FMN2: variants seen among roughly 807,000 people sequenced by gnomAD.
FMN2 encodes formin 2.
In FMN2, 51 loss-of-function variants were observed where a neutral mutation model predicts 142.3. The ratio of observed to expected loss-of-function variants is 0.36; its 90% CI spans 0.29 to 0.45. The LOEUF (loss-of-function observed/expected upper bound fraction) is 0.45, where lower values mean the gene tolerates loss of function less well. Ranked by LOEUF, FMN2 falls within the 20% of genes least tolerant of loss-of-function variation. The pLI is 1.00. For synonymous variants in FMN2, 882 were observed against 869.8 expected (o/e 1.01, Z -0.25); for missense variants, 1,936 against 2,122.8 (o/e 0.91, Z 1.73).
intron 16 of FMN2, among the ~76,000 whole-genome samples, chr1:240,466,108 T>C (rs1676613401): frequency 6.6e-6 from 1 of 152,230 alleles, no homozygotes; most frequent in African/African-American, 2.4e-5. Context: ...GGAGAAACTT[T>C]TTGTTGGTTT....
intron 6 of FMN2, among the ~76,000 whole-genome samples, chr1:240,242,844 T>C (rs34743553): frequency 0.047 from 7,098 of 152,222 alleles, 341 homozygotes; most frequent in African/African-American, 0.12. Flanking sequence ...CAGTGAGAGG[T>C]GTCAAATGTC....
intron 6 of FMN2, among the ~76,000 whole-genome samples, chr1:240,218,281 CAAAAAAAAA>C (rs60722656): frequency 3.2e-5 from 3 of 92,954 alleles, no homozygotes; most frequent in Non-Finnish European, 4.2e-5. Context: ...GACTCTGTCT[CAAAAAAAAA>C]AAAAAAAAAA....
chr1:240,283,378 C>T (rs1054158221), intron 7 of FMN2, among the ~76,000 whole-genome samples: 1 of 152,154 alleles, frequency 6.6e-6, no homozygotes, highest in Non-Finnish European at 1.5e-5. Flanking sequence ...TTACCATTTG[C>T]AGCAGGGATT....
rs561426222 is a variant in FMN2 at position 240,115,204 on chromosome 1, T to C, written c.1616-7975T>C. ...AGTGATTATTCTTTCTGTAATAGCA[T>C]GGCTTTTAATGGCTGTATAGTTAGC... On this transcript the variant is annotated intron_variant, in intron 1 of 17. Coordinates refer to ENST00000319653, the MANE Select transcript of FMN2 (RefSeq NM_020066.5). Among the ~76,000 whole-genome samples, 62 of 152,354 alleles carry C rather than the reference T, an allele frequency of 4.1e-4. 1 individual carries two copies. In the South Asian group the frequency reaches 0.013, roughly 32 times the overall value.
In FMN2 at chr1:240,200,481, A is replaced by G. The variant is rs189427485; in HGVS notation, c.1987-6318A>G. On this transcript the variant is annotated intron_variant, in intron 4 of 17. Transcript: ENST00000319653. Reference sequence around the variant, plus strand: ...CGGCCCTTGACTGATAGCCCTGGATAAGGAAGGCCAGATAAGATTCTTTGA... The same window carrying G: ...CGGCCCTTGACTGATAGCCCTGGATGAGGAAGGCCAGATAAGATTCTTTGA... 3.1e-4 allele frequency among the ~76,000 whole-genome samples: 47 copies of G among 152,260 alleles called. 1 individual carries two copies. The highest frequency in any genetic ancestry group is 1.0e-3 in the Admixed American group (16 of 15,272).
At chr1:240,279,798 A>T (rs1330108382) in intron 7 of FMN2, among the ~76,000 whole-genome samples, 2 of 152,218 alleles carry the variant, frequency 1.3e-5, no homozygotes, top group African/African-American at 4.8e-5. Context: ...TCAGAAGAGA[A>T]AAAAGAAACC....
intron 16 of FMN2, 44 bp downstream of exon 16, chr1:240,438,254 T>A (rs1352468952): frequency 1.3e-6 from 2 of 1,591,822 alleles, no homozygotes; most frequent in African/African-American, 2.7e-5. Flanking sequence ...AACTGGTGTT[T>A]TATTAGGTGT....
chr1:240,382,666 GA>G (rs201942315), intron 14 of FMN2, among the ~76,000 whole-genome samples: 21 of 145,480 alleles, frequency 1.4e-4, no homozygotes, highest in African/African-American at 4.3e-4. Context: ...CTCTCAAAAA[GA>G]AAAAAAAAAT....
chr1:240,463,147 C>T (rs192162190), intron 16 of FMN2, among the ~76,000 whole-genome samples: 249 of 152,200 alleles, frequency 1.6e-3, no homozygotes, highest in Non-Finnish European at 3.0e-3. Flanking sequence ...AGATGATTCC[C>T]GTGTTTGTAA....
intron 4 of FMN2, among the ~76,000 whole-genome samples, chr1:240,188,761 G>T (rs911115146): frequency 2.0e-5 from 3 of 152,108 alleles, no homozygotes; most frequent in African/African-American, 7.2e-5. Context: ...TGCTGATAAG[G>T]GTGTACCCAA....
chr1:240,190,160 C>A (rs1572040542), intron 4 of FMN2, among the ~76,000 whole-genome samples: 1 of 152,046 alleles, frequency 6.6e-6, no homozygotes, highest in Admixed American at 6.6e-5. Context: ...AGCAGAAAAC[C>A]TAATGGAGTA....
intron 4 of FMN2, among the ~76,000 whole-genome samples, chr1:240,196,192 T>G (rs1665903418): frequency 6.6e-6 from 1 of 152,188 alleles, no homozygotes; most frequent in Non-Finnish European, 1.5e-5. Flanking sequence ...GCAAGACAGT[T>G]TAAGGAACAA....
At chr1:240,338,792 C>T (rs79353488) in intron 13 of FMN2, among the ~76,000 whole-genome samples, 27,616 of 151,986 alleles carry the variant, frequency 0.18, 3,186 homozygotes, top group African/African-American at 0.32. Context: ...ATTTATTGTG[C>T]GCTTTACTTC....
intron 3 of FMN2, among the ~76,000 whole-genome samples, chr1:240,184,419 A>G (rs1021579751): frequency 2.0e-5 from 3 of 150,384 alleles, no homozygotes; most frequent in African/African-American, 4.9e-5. Flanking sequence ...TATTTTTAGT[A>G]GAGACGGGGT....
At chr1:240,128,779 C>G (rs949278488) in intron 2 of FMN2, among the ~76,000 whole-genome samples, 6 of 152,156 alleles carry the variant, frequency 3.9e-5, no homozygotes, top group Non-Finnish European at 7.3e-5. Flanking sequence ...AGCAGCCAGT[C>G]CCGGAAAACT....
intron 15 of FMN2, among the ~76,000 whole-genome samples, chr1:240,404,448 G>T (rs1166727034): frequency 6.6e-6 from 1 of 152,096 alleles, no homozygotes; most frequent in Non-Finnish European, 1.5e-5. Context: ...GAAGTGACAT[G>T]GAATGTCTTT....
chr1:240,276,061 C>G (rs1006560532), intron 7 of FMN2, among the ~76,000 whole-genome samples: 2 of 152,156 alleles, frequency 1.3e-5, no homozygotes, highest in African/African-American at 4.8e-5. Flanking sequence ...ATAATCTCAG[C>G]ACTTAGGGAG....
chr1:240,383,008 G>A (rs1673282493), intron 14 of FMN2, among the ~76,000 whole-genome samples: 1 of 152,054 alleles, frequency 6.6e-6, no homozygotes, highest in South Asian at 2.1e-4. Context: ...AATAAACAAT[G>A]AGTAAAGGAC....
At chr1:240,446,413 T>G (rs1201413189) in intron 16 of FMN2, among the ~76,000 whole-genome samples, 1 of 152,220 alleles carries the variant, frequency 6.6e-6, no homozygotes, top group Non-Finnish European at 1.5e-5. Context: ...TGTAGACACT[T>G]GTAAGGTATC....
Sources: allele counts gnomAD v4.1 joint callset (sites outside exome capture counted in the v4.1 genomes callset), GRCh38; gene constraint gnomAD v4.1.1; transcripts MANE v1.5; gene names NCBI Gene and HGNC (gene_info 2026-07-23, HGNC 2026-07-21).